The following CAPN9 variants were observed in gnomAD, a reference collection of about 807,000 sequenced individuals.
CAPN9 encodes the protein calpain 9, also known as calpain-9.
Under a neutral mutation model 92.8 loss-of-function variants are expected in CAPN9, and 81 were observed. That is an observed-to-expected ratio of 0.87 (90% CI 0.73 to 1.05). CAPN9 has a LOEUF of 1.05. CAPN9 is among the 50% of genes least tolerant of loss of function. The pLI is 0.00. For synonymous variants in CAPN9, 304 were observed against 328.0 expected, an observed-to-expected ratio of 0.93 and a Z score of 0.79; for missense variants, 848 against 866.2, an observed-to-expected ratio of 0.98 and a Z score of 0.26.
intron 15 of CAPN9, among the ~76,000 whole-genome samples, chr1:230,792,205 C>G (rs1212716657): frequency 6.7e-6 from 1 of 149,586 alleles, no homozygotes; most frequent in Admixed American, 6.7e-5. Context: ...GAACAGAGTT[C>G]TGTTTTTGTG....
rs1195967092 is a variant in CAPN9 at position 230,762,749 on chromosome 1, G to C, written c.499G>C (p.Glu167Gln). The change falls in exon 4 of 20, where the codon GAG becomes CAG. Residue 167 changes from glutamate (E) to glutamine (Q), a missense_variant. Physicochemically the swap from Glu to Gln is conservative, Grantham distance 29. Coordinates refer to ENST00000271971, the MANE Select transcript of CAPN9 (RefSeq NM_006615.3). Reference protein sequence around the residue: ...LVFLHSADHNEFWSALLEKAY... With the variant: ...LVFLHSADHNQFWSALLEKAY... ...TTTCCTCCACTCTGCCGACCACAAC[G>C]AGTTCTGGAGCGCCTTGCTGGAAAA... The C allele has an allele frequency of 6.2e-7, 1 of 1,614,130 alleles. No homozygotes were observed. Among genetic ancestry groups the C allele is most frequent in the South Asian group, 1.1e-5 (1 of 91,080 alleles).
intron 9 of CAPN9, among the ~76,000 whole-genome samples, chr1:230,779,607 C>T (rs1263467578): frequency 6.6e-6 from 1 of 152,128 alleles, no homozygotes; most frequent in Non-Finnish European, 1.5e-5. Flanking sequence ...GCAAGAGCTC[C>T]TGGGGGTATC....
chr1:230,792,098 A>T (rs1177742047), intron 15 of CAPN9, among the ~76,000 whole-genome samples, 170 bp downstream of exon 15: 1 of 151,996 alleles, frequency 6.6e-6, no homozygotes, highest in Non-Finnish European at 1.5e-5. Flanking sequence ...CTGAAATTGG[A>T]TCAGAATCAA....
At chr1:230,792,814 C>T (rs776857100) in intron 16 of CAPN9, 36 bp from the exon 17 acceptor site, 6 of 1,574,000 alleles carry the variant, frequency 3.8e-6, no homozygotes, top group Admixed American at 1.7e-5. Context: ...CTTTCAGGCA[C>T]GCTCCTTCTC....
chr1:230,783,876 T>A (rs1238580035), intron 11 of CAPN9, among the ~76,000 whole-genome samples: 1 of 152,200 alleles, frequency 6.6e-6, no homozygotes, highest in African/African-American at 2.4e-5. Flanking sequence ...GGTTAAATAG[T>A]TATGGCCTAA....
In CAPN9 at chr1:230,747,538, G is replaced by T. The variant is rs778871242; in HGVS notation, c.42G>T (p.Pro14=). ...LYRAPGPQAH[P]VPKDARITHS... is the part of the protein sequence containing the mutation. Reference sequence around the variant, plus strand: ...GGGCCCCAGGGCCTCAGGCACACCCGGTTCCCAAGGACGCCCGGATCACCC... The same window carrying T: ...GGGCCCCAGGGCCTCAGGCACACCCTGTTCCCAAGGACGCCCGGATCACCC... Residue 14 remains proline, a synonymous_variant, in exon 1 of 20, where the codon CCG becomes CCT. Coordinates refer to ENST00000271971, the MANE Select transcript of CAPN9 (RefSeq NM_006615.3). 1.2e-6 allele frequency: 2 copies of T among 1,614,130 alleles called. No homozygotes were observed. Among genetic ancestry groups the T allele is most frequent in the Non-Finnish European group, 1.7e-6 (2 of 1,180,028 alleles).
At position 230,767,539 on chromosome 1, in the gene CAPN9, A is replaced by G. The variant is rs1666068729; in HGVS notation, c.537-2A>G. On this transcript the variant is annotated splice_acceptor_variant, in intron 4 of 19. Coordinates refer to ENST00000271971, the MANE Select transcript of CAPN9 (RefSeq NM_006615.3). LOFTEE classifies it high-confidence loss of function. ...CTCCTCTCTCTCTTGCCACCCTTGC[A>G]GGCTAAATGGGAGCTATGAAGCTCT... 6.2e-7 allele frequency: 1 copy of G among 1,604,442 alleles called. No individual in the cohort carries two copies. The highest frequency in any genetic ancestry group is 1.7e-5 in the Admixed American group (1 of 57,892).
chr1:230,785,903 C>A, intron 11 of CAPN9, 78 bp from the exon 12 acceptor site: 2 of 1,362,232 alleles, frequency 1.5e-6, no homozygotes, highest in Admixed American at 1.7e-5. Flanking sequence ...CCTTCCCAGG[C>A]TCTGGGCTCT....
chr1:230,767,774 T>C, intron 5 of CAPN9, 65 bp downstream of exon 5: 2 of 1,482,822 alleles, frequency 1.3e-6, no homozygotes, highest in Non-Finnish European at 1.8e-6. Flanking sequence ...TTCCAGGCAC[T>C]ATGCTGGGGC....
chr1:230,780,390 C>T (rs573023758), intron 10 of CAPN9, 54 bp downstream of exon 10: 163 of 1,601,608 alleles, frequency 1.0e-4, no homozygotes, highest in Admixed American at 2.0e-4. Flanking sequence ...TCTAAATTCG[C>T]GGCTCCTCCT....
intron 13 of CAPN9, among the ~76,000 whole-genome samples, 180 bp downstream of exon 13, chr1:230,787,782 A>G (rs984517675): frequency 6.6e-6 from 1 of 152,196 alleles, no homozygotes; most frequent in Non-Finnish European, 1.5e-5. Context: ...TACAACATTT[A>G]CTTACACAGT....
chr1:230,779,065 G>T lies in CAPN9; in HGVS notation c.1046G>T (p.Trp349Leu). 1 of 1,613,586 alleles carries T rather than the reference G, an allele frequency of 6.2e-7. No individual in the cohort carries two copies. The highest frequency in any genetic ancestry group is 1.8e-4 in the Middle Eastern group (1 of 5,696). ...CTGGAGGAAGACGCGATCCACAAAT[G>T]GGAGGTGACGGTCCATCAGGGAAGC... ...DALEEDAIHKWEVTVHQGSWV... is the reference protein window; with the variant it reads ...DALEEDAIHKLEVTVHQGSWV... The change falls in exon 9 of 20, where the codon TGG (tryptophan) becomes TTG (leucine). Residue 349 changes from tryptophan to leucine, a missense_variant. Physicochemically the swap from Trp to Leu is moderately conservative, Grantham distance 61. Coordinates refer to ENST00000271971, the MANE Select transcript of CAPN9 (RefSeq NM_006615.3).
intron 11 of CAPN9, among the ~76,000 whole-genome samples, chr1:230,784,648 C>T (rs1279785962): frequency 2.0e-5 from 3 of 152,272 alleles, no homozygotes; most frequent in African/African-American, 4.8e-5. Flanking sequence ...CTGAATGAGG[C>T]TTGGCAGCCT....
intron 8 of CAPN9, chr1:230,775,987 G>T (rs904783706): frequency 1.3e-5 from 2 of 150,228 alleles, no homozygotes; most frequent in Non-Finnish European, 3.0e-5. Context: ...TTTTCCCATA[G>T]AACACAGCCT....
chr1:230,798,514 T>C (rs1041484929), intron 19 of CAPN9, among the ~76,000 whole-genome samples: 3 of 152,320 alleles, frequency 2.0e-5, no homozygotes, highest in African/African-American at 7.2e-5. Context: ...TCTGCCTTCT[T>C]GTCCTTCTCT....
In CAPN9 at chr1:230,774,739, C is replaced by CTTTCTTTCT. The variant is rs1479419451; in HGVS notation, c.953+111_953+112insCTTTCTTTT. On this transcript the variant is annotated intron_variant, in intron 8 of 19. Transcript: ENST00000271971. ...CGCTTTCCTTTTTCTTTCTTTCTTTCTTTTTTTTTTTTTTTTTTTGAGACG... is the reference window on the plus strand; with the variant it reads ...CGCTTTCCTTTTTCTTTCTTTCTTTCTTTCTTTCTTTTTTTTTTTTTTTTTTTTGAGACG... The CTTTCTTTCT allele has an allele frequency of 1.3e-4, 51 of 386,368 alleles. No homozygotes were observed. The African/African-American group carries it at 1.3e-3, about 10-fold the overall frequency. The allele number at this position is 386,368 out of a possible 1,614,324, so 23.9% of individuals were successfully genotyped here.
At chr1:230,790,963 A>T (rs1404746764) in intron 14 of CAPN9, among the ~76,000 whole-genome samples, 1 of 152,218 alleles carries the variant, frequency 6.6e-6, no homozygotes, top group Non-Finnish European at 1.5e-5. Flanking sequence ...GGGGAAAAAA[A>T]GGAATCATAC....
At chr1:230,748,197 C>A (rs1479162327) in intron 1 of CAPN9, among the ~76,000 whole-genome samples, 1 of 152,230 alleles carries the variant, frequency 6.6e-6, no homozygotes, top group Non-Finnish European at 1.5e-5. Flanking sequence ...CAGGAATCTT[C>A]TCCCGAGAAC....
chr1:230,760,396 C>T (rs972166439), intron 3 of CAPN9, among the ~76,000 whole-genome samples: 2 of 152,180 alleles, frequency 1.3e-5, no homozygotes, highest in Non-Finnish European at 2.9e-5. Context: ...AGCCAGGCAC[C>T]GAGTAGGCAT....
Sources: gnomAD v4.1 joint callset for allele counts (sites outside exome capture counted in the v4.1 genomes callset) on GRCh38, gnomAD v4.1.1 for gene constraint, MANE v1.5 for transcripts, NCBI Gene and HGNC (gene_info 2026-07-23, HGNC 2026-07-21) for gene names.